EVI5: variants seen among roughly 807,000 people sequenced by gnomAD.
EVI5 encodes ecotropic viral integration site 5.
In EVI5, 73 loss-of-function variants were observed where a neutral mutation model predicts 112.0. That is an observed-to-expected ratio of 0.65 (90% CI 0.54 to 0.79). The LOEUF is 0.79. EVI5 is among the 30% of genes least tolerant of loss of function. The probability of loss-of-function intolerance (pLI) is 0.00; values close to 1 mark genes in which losing one functional copy is unlikely to be tolerated. For missense variants in EVI5, 900 were observed against 968.8 expected (o/e 0.93, Z 0.94); for synonymous variants, 305 against 319.9 (o/e 0.95, Z 0.50).
intron 9 of EVI5, among the ~76,000 whole-genome samples, chr1:92,688,607 CGAA>C (rs1298344345): frequency 1.3e-5 from 2 of 151,660 alleles, no homozygotes; most frequent in African/African-American, 4.8e-5. Context: ...AAGGAAGGTG[CGAA>C]GAAGAACCGA....
intron 18 of EVI5, among the ~76,000 whole-genome samples, chr1:92,570,047 A>C (rs943258156): frequency 6.6e-6 from 1 of 152,060 alleles, no homozygotes; most frequent in African/African-American, 2.4e-5. Flanking sequence ...AAAGGATGAC[A>C]TCAAACAGAG....
At chr1:92,681,431 G>A (rs775613390) in intron 9 of EVI5, among the ~76,000 whole-genome samples, 6 of 151,982 alleles carry the variant, frequency 3.9e-5, no homozygotes, top group East Asian at 1.9e-4. Flanking sequence ...AGAGTATATC[G>A]TACCCCCTTA....
At chr1:92,750,344 A>T (rs1388971012) in intron 1 of EVI5, among the ~76,000 whole-genome samples, 1 of 152,220 alleles carries the variant, frequency 6.6e-6, no homozygotes, top group East Asian at 1.9e-4. Flanking sequence ...GGTTTATTTT[A>T]ATACAAAACC....
chr1:92,744,306 T>C (rs2102874017), intron 1 of EVI5, among the ~76,000 whole-genome samples: 1 of 152,314 alleles, frequency 6.6e-6, no homozygotes, highest in East Asian at 1.9e-4. Flanking sequence ...AAGCAGTCTA[T>C]ATATATCAAT....
intron 19 of EVI5, among the ~76,000 whole-genome samples, chr1:92,556,916 G>C (rs890082182): frequency 1.3e-5 from 2 of 151,376 alleles, no homozygotes; most frequent in Non-Finnish European, 2.9e-5. Context: ...TTCAGAGCAA[G>C]CCTCCTGCCT....
intron 19 of EVI5, among the ~76,000 whole-genome samples, chr1:92,561,556 T>C (rs892512956): frequency 1.9e-5 from 2 of 106,322 alleles, no homozygotes; most frequent in African/African-American, 3.5e-5. Context: ...TGAGACTGAC[T>C]ATCTATCTAT....
intron 2 of EVI5, among the ~76,000 whole-genome samples, chr1:92,725,759 A>G (rs753638281): frequency 1.3e-5 from 2 of 152,054 alleles, no homozygotes; most frequent in Non-Finnish European, 2.9e-5. Context: ...AGCAGAAGAA[A>G]AGCATAACCA....
rs146917177 is a variant in EVI5, at chr1:92,535,765, G to C, written c.2167-21795C>G. Among the ~76,000 whole-genome samples, 1,489 of 152,172 alleles carry C rather than the reference G, an allele frequency of 9.8e-3. 13 individuals carry two copies. Among genetic ancestry groups the C allele is most frequent in the Non-Finnish European group, 0.015 (1,048 of 67,996 alleles). On this transcript the variant is annotated intron_variant, in intron 19 of 19. Transcript: ENST00000684568. ...CACACACCGGGGCCTGTCGTGGGGT[G>C]GGGGGCTAGGGGAGGGATAGCATTA...
chr1:92,712,666 C>T lies in EVI5; in HGVS notation c.150-7922G>A, dbSNP rs1673022762. ...AAGACTTCAAATGAAGATCTACAGA[C>T]CTTTCCTATGATTAAAAATACAAGA... On this transcript the variant is annotated intron_variant, in intron 2 of 19. Transcript: ENST00000684568. 2.0e-5 allele frequency among the ~76,000 whole-genome samples: 3 copies of T among 152,092 alleles called. No individual in the cohort carries two copies. The Middle Eastern group carries it at 0.01, about 521-fold the overall frequency.
chr1:92,764,231 AT>A (rs1278335769), intron 1 of EVI5, among the ~76,000 whole-genome samples: 2 of 152,324 alleles, frequency 1.3e-5, no homozygotes, highest in African/African-American at 2.4e-5. Flanking sequence ...CTTAAGCTAC[AT>A]ACAAAGTTAC....
intron 13 of EVI5, among the ~76,000 whole-genome samples, chr1:92,648,190 C>CAAAAAAAAAAAAAAAAAAA (rs961901260): frequency 4.2e-5 from 1 of 24,068 alleles, no homozygotes. Context: ...ACTAAAAATA[C>CAAAAAAAAAAAAAAAAAAA]AAAAAAAAAA....
intron 10 of EVI5, among the ~76,000 whole-genome samples, chr1:92,669,264 A>G (rs897948876): frequency 6.6e-6 from 1 of 152,048 alleles, no homozygotes; most frequent in African/African-American, 2.4e-5. Flanking sequence ...ACTGAATTTG[A>G]GGGCCAGGTA....
chr1:92,693,800 A>T lies in EVI5; in HGVS notation c.1097+2T>A. 6.6e-7 allele frequency: 1 copy of T among 1,521,858 alleles called. No individual in the cohort carries two copies. The highest frequency in any genetic ancestry group is 9.1e-7 in the Non-Finnish European group (1 of 1,102,354). 94.3% of individuals were successfully genotyped at this position (1,521,858 alleles called of 1,614,324 possible). ...TTTCCAACAAAAATATAAAATACTT[A>T]CTTTTTCATTTTTTTTGAATTGTAT... On this transcript the variant is annotated splice_donor_variant, in intron 9 of 19. Transcript: ENST00000684568. LOFTEE classifies it high-confidence loss of function.
intron 18 of EVI5, among the ~76,000 whole-genome samples, chr1:92,564,124 T>A (rs1167579772): frequency 6.6e-6 from 1 of 152,168 alleles, no homozygotes; most frequent in Non-Finnish European, 1.5e-5. Context: ...GGTTTCTCCA[T>A]GCTGGTCAGG....
intron 10 of EVI5, among the ~76,000 whole-genome samples, chr1:92,672,759 A>G (rs571316735): frequency 6.6e-6 from 1 of 152,310 alleles, no homozygotes; most frequent in East Asian, 1.9e-4. Flanking sequence ...AAATCAGGCT[A>G]GCATACCTCC....
chr1:92,723,369 G>A (rs533856847), intron 2 of EVI5, among the ~76,000 whole-genome samples: 19 of 152,230 alleles, frequency 1.2e-4, no homozygotes, highest in South Asian at 2.1e-4. Context: ...CGGAGGGACC[G>A]GCTGGAGCCA....
chr1:92,598,862 C>T (rs1043382165), intron 18 of EVI5, among the ~76,000 whole-genome samples: 7 of 151,952 alleles, frequency 4.6e-5, no homozygotes, highest in African/African-American at 9.7e-5. Flanking sequence ...CACTGTAAGA[C>T]GCGAATACAA....
intron 19 of EVI5, among the ~76,000 whole-genome samples, chr1:92,525,819 A>C (rs1329423967): frequency 6.6e-6 from 1 of 152,170 alleles, no homozygotes; most frequent in East Asian, 1.9e-4. Context: ...ACAGTAGGAA[A>C]GTTTTGCTGT....
chr1:92,682,461 A>G (rs947325515), intron 9 of EVI5, among the ~76,000 whole-genome samples: 6 of 152,166 alleles, frequency 3.9e-5, no homozygotes, highest in African/African-American at 1.2e-4. Flanking sequence ...AACCCTAGCA[A>G]TTAGAAACAA....
Sources: gnomAD v4.1 joint callset for allele counts (sites outside exome capture counted in the v4.1 genomes callset) on GRCh38, gnomAD v4.1.1 for gene constraint, MANE v1.5 for transcripts, NCBI Gene and HGNC (gene_info 2026-07-23, HGNC 2026-07-21) for gene names.